The following PTPRM variants were observed in gnomAD, a reference collection of about 807,000 sequenced individuals.
PTPRM encodes the protein protein tyrosine phosphatase receptor type M, also known as receptor-type tyrosine-protein phosphatase mu.
In PTPRM, 47 loss-of-function variants were observed where a neutral mutation model predicts 186.7. That is an observed-to-expected ratio of 0.25 (90% CI 0.20 to 0.32). The LOEUF (loss-of-function observed/expected upper bound fraction) is 0.32, where lower values mean the gene tolerates loss of function less well. Among genes scored for constraint, PTPRM ranks in the 10% least tolerant of loss-of-function variants. The pLI is 1.00. For missense variants in PTPRM, 1,494 were observed against 1,865.0 expected, an observed-to-expected ratio of 0.80 and a Z score of 3.66; for synonymous variants, 668 against 674.9, an observed-to-expected ratio of 0.99 and a Z score of 0.16.
At chr18:7,952,079 GTATATA>G (rs2052997774) in intron 6 of PTPRM, among the ~76,000 whole-genome samples, 1 of 152,046 alleles carries the variant, frequency 6.6e-6, no homozygotes, top group Non-Finnish European at 1.5e-5. Flanking sequence ...CACAATGCAT[GTATATA>G]TGCATATATA....
rs2036456724 is a variant in PTPRM, at chr18:7,567,608, A to G, written c.-211A>G. 2.3e-6 allele frequency: 1 copy of G among 431,614 alleles called. No individual in the cohort carries two copies. Among genetic ancestry groups the G allele is most frequent in the Non-Finnish European group, 4.0e-6 (1 of 247,888 alleles). 26.7% of individuals were successfully genotyped at this position (431,614 alleles called of 1,614,324 possible). On this transcript the variant is annotated 5_prime_UTR_variant, in exon 1 of 33. Transcript: ENST00000580170. This position sits in a 1 kb window ranked among gnomAD's most constrained non-coding sequence, Gnocchi z 4.3. ...CGCCAGACGCCGAGTGGGGCCAGGGACAGGGGAGGAGGACCCAGGACCCTG... is the reference window on the plus strand; with the variant it reads ...CGCCAGACGCCGAGTGGGGCCAGGGGCAGGGGAGGAGGACCCAGGACCCTG...
chr18:8,226,906 T>C (rs1201440136), intron 14 of PTPRM, among the ~76,000 whole-genome samples: 2 of 152,156 alleles, frequency 1.3e-5, no homozygotes, highest in African/African-American at 4.8e-5. Flanking sequence ...TGTGGCCCCT[T>C]CCTCATCTCC....
chr18:8,169,344 CAAA>C (rs34078397), intron 14 of PTPRM, among the ~76,000 whole-genome samples: 2 of 121,828 alleles, frequency 1.6e-5, no homozygotes, highest in African/African-American at 2.8e-5. Flanking sequence ...TTGATTTGGG[CAAA>C]AAAAAAAAAA....
chr18:7,675,774 G>T (rs377237551), intron 1 of PTPRM, among the ~76,000 whole-genome samples: 11 of 146,976 alleles, frequency 7.5e-5, no homozygotes, highest in African/African-American at 2.6e-4. Flanking sequence ...CCACTCTGTT[G>T]CCCAGGCTAG....
chr18:8,343,331 G>A (rs1285422158), intron 22 of PTPRM, 92 bp from the exon 23 acceptor site: 2 of 1,007,942 alleles, frequency 2.0e-6, no homozygotes, highest in Non-Finnish European at 3.0e-6. Flanking sequence ...GGAACTGCAT[G>A]TGGGTATTAA....
chr18:8,379,069 A>C, intron 27 of PTPRM, 98 bp from the exon 28 acceptor site: 5 of 985,896 alleles, frequency 5.1e-6, no homozygotes, highest in Non-Finnish European at 7.2e-6. Flanking sequence ...ACCGTCTTGC[A>C]GTCAGCCACA....
chr18:7,637,232 G>A (rs2038338934), intron 1 of PTPRM, among the ~76,000 whole-genome samples: 1 of 149,418 alleles, frequency 6.7e-6, no homozygotes, highest in Admixed American at 6.7e-5. Context: ...GTAAAATGTT[G>A]TATATTGTCA....
intron 9 of PTPRM, among the ~76,000 whole-genome samples, chr18:8,082,481 C>T (rs138174351): frequency 1.4e-5 from 2 of 142,974 alleles, no homozygotes; most frequent in African/African-American, 5.2e-5. Context: ...CTCCCTCCCT[C>T]CCTCCTTTTC....
At chr18:7,723,064 T>G (rs2040479113) in intron 1 of PTPRM, among the ~76,000 whole-genome samples, 1 of 152,200 alleles carries the variant, frequency 6.6e-6, no homozygotes, top group Admixed American at 6.5e-5. Flanking sequence ...AGACCGCCTT[T>G]CTAAGTTGTG....
intron 1 of PTPRM, among the ~76,000 whole-genome samples, chr18:7,711,364 ACAC>A (rs1240819400): frequency 1.3e-5 from 2 of 152,162 alleles, no homozygotes; most frequent in African/African-American, 4.8e-5. Context: ...TTGGGTGCCT[ACAC>A]CACCAGAGCC....
intron 1 of PTPRM, among the ~76,000 whole-genome samples, chr18:7,686,177 C>A (rs1179082261): frequency 6.6e-6 from 1 of 152,082 alleles, no homozygotes; most frequent in Non-Finnish European, 1.5e-5. Context: ...GTCCATGGGA[C>A]AAGGATCTCC....
In PTPRM at chr18:8,244,127, A is replaced by T; in HGVS notation, c.2370A>T (p.Ser790=). The change falls in exon 15 of 33, where the codon TCA becomes TCT. Residue 790 remains serine, a synonymous_variant. Coordinates refer to ENST00000580170, the MANE Select transcript of PTPRM (RefSeq NM_001105244.2). ...AGGAGATGACTGTGATGGTGAACTC[A>T]ATGGACAAGAGCTATGCTGAGCAGG... ...TRQEMTVMVN[S]MDKSYAEQGT... 1.2e-6 allele frequency: 2 copies of T among 1,610,406 alleles called. No individual in the cohort carries two copies. The highest frequency in any genetic ancestry group is 1.7e-6 in the Non-Finnish European group (2 of 1,178,820).
chr18:8,291,843 C>T (rs1166939097), intron 19 of PTPRM, among the ~76,000 whole-genome samples: 2 of 148,598 alleles, frequency 1.3e-5, no homozygotes, highest in African/African-American at 5.0e-5. Context: ...ATGCCCATCT[C>T]ATGGTCTTCC....
At chr18:8,293,881 A>G (rs1359814955) in intron 19 of PTPRM, among the ~76,000 whole-genome samples, 2 of 152,166 alleles carry the variant, frequency 1.3e-5, no homozygotes, top group African/African-American at 4.8e-5. Flanking sequence ...TAATAACCTG[A>G]AAGTGTTTTT....
intron 2 of PTPRM, among the ~76,000 whole-genome samples, chr18:7,795,706 T>C (rs2043593859): frequency 6.6e-6 from 1 of 152,174 alleles, no homozygotes; most frequent in Non-Finnish European, 1.5e-5. Flanking sequence ...TTGAGGTATT[T>C]TTGAATGAAC....
At chr18:7,826,059 C>G (rs16952564) in intron 2 of PTPRM, among the ~76,000 whole-genome samples, 2 of 152,050 alleles carry the variant, frequency 1.3e-5, no homozygotes, top group Non-Finnish European at 2.9e-5. Context: ...ATGGCATCCC[C>G]GTCAACCTGA....
At chr18:7,956,914 T>G (rs983720997) in intron 7 of PTPRM, among the ~76,000 whole-genome samples, 2 of 152,242 alleles carry the variant, frequency 1.3e-5, no homozygotes, top group South Asian at 4.1e-4. Context: ...CAGGGCAGGT[T>G]CTTTGATCCC....
chr18:7,921,379 G>GA (rs2050852867), intron 4 of PTPRM, among the ~76,000 whole-genome samples: 1 of 137,196 alleles, frequency 7.3e-6, no homozygotes, highest in Admixed American at 7.6e-5. Context: ...AGCCTCTAAT[G>GA]AATTTTTTTT....
intron 16 of PTPRM, 73 bp from the exon 17 acceptor site, chr18:8,248,077 G>C: frequency 7.1e-7 from 1 of 1,409,972 alleles, no homozygotes; most frequent in Admixed American, 1.7e-5. Context: ...AATAGGGGTG[G>C]GCATTCATCA....
Sources: allele counts gnomAD v4.1 joint callset (sites outside exome capture counted in the v4.1 genomes callset), GRCh38; gene constraint gnomAD v4.1.1; non-coding constraint Gnocchi (gnomAD v3.1); transcripts MANE v1.5; gene names NCBI Gene and HGNC (gene_info 2026-07-23, HGNC 2026-07-21).